NDST4: variants seen among roughly 807,000 people sequenced by gnomAD.
NDST4 encodes the protein N-heparan sulfate sulfotransferase 4.
A neutral mutation model predicts 100.8 loss-of-function variants in NDST4; 63 were observed. The ratio of observed to expected loss-of-function variants is 0.62; its 90% confidence interval spans 0.51 to 0.77. The LOEUF (loss-of-function observed/expected upper bound fraction) is 0.77. NDST4 is among the 30% of genes least tolerant of loss of function. NDST4 has a pLI of 0.00. For missense variants in NDST4, 943 were observed against 1,018.4 expected (o/e 0.93, Z 1.01); for synonymous variants, 377 against 361.8 (o/e 1.04, Z -0.48).
chr4:114,953,397 C>A (rs1174266995), intron 4 of NDST4, among the ~76,000 whole-genome samples: 1 of 151,948 alleles, frequency 6.6e-6, no homozygotes, highest in Admixed American at 6.6e-5. Flanking sequence ...ACAATGGCTG[C>A]AAGAGAAAGT....
chr4:115,003,066 T>C (rs1021929596), intron 2 of NDST4, among the ~76,000 whole-genome samples: 1 of 151,994 alleles, frequency 6.6e-6, no homozygotes, highest in Non-Finnish European at 1.5e-5. Context: ...CATCATACAC[T>C]GGGGCCTGAC....
chr4:114,856,425 T>A (rs976626391), intron 7 of NDST4, among the ~76,000 whole-genome samples: 2 of 152,134 alleles, frequency 1.3e-5, no homozygotes, highest in African/African-American at 4.8e-5. Context: ...AGACCAAATA[T>A]TTTCACAATT....
rs1201633159 is a variant in NDST4, at chr4:115,076,257, C to A, written c.780G>T (p.Leu260=). ...CTCTCTGAATTCCATCATGAAGCCCCAGATCCTGAATCACCGTTGCAAAGA... is the reference window on the plus strand; with the variant it reads ...CTCTCTGAATTCCATCATGAAGCCCAAGATCCTGAATCACCGTTGCAAAGA... ...KTLFATVIQD[L]GLHDGIQRVL... Residue 260 remains leucine (L), a synonymous_variant, in exon 2 of 14, where the codon CTG becomes CTT. Transcript: ENST00000264363. 3 of 1,613,992 alleles carry A rather than the reference C, an allele frequency of 1.9e-6. No homozygotes were observed. Among genetic ancestry groups the A allele is most frequent in the Non-Finnish European group, 2.5e-6 (3 of 1,179,930 alleles).
chr4:114,988,430 T>C (rs921337369), intron 2 of NDST4, among the ~76,000 whole-genome samples: 4 of 140,990 alleles, frequency 2.8e-5, no homozygotes, highest in South Asian at 2.5e-4. Flanking sequence ...GGCGCAATCT[T>C]GGCTCACTTC....
chr4:115,032,265 G>A (rs6819616), intron 2 of NDST4, among the ~76,000 whole-genome samples: 15,063 of 151,940 alleles, frequency 0.099, 2,279 homozygotes, highest in African/African-American at 0.33. Context: ...GAAACAATCC[G>A]AAAAACGGTA....
intron 1 of NDST4, among the ~76,000 whole-genome samples, chr4:115,109,227 T>G (rs548905498): frequency 9.5e-4 from 145 of 152,016 alleles, no homozygotes; most frequent in Non-Finnish European, 1.2e-3. Flanking sequence ...CTCCATTTAC[T>G]TTTTACTTGA....
At chr4:115,044,706 GA>G (rs149358526) in intron 2 of NDST4, among the ~76,000 whole-genome samples, 27,588 of 137,758 alleles carry the variant, frequency 0.2, 4,899 homozygotes, top group African/African-American at 0.48. Flanking sequence ...AAGGAAAAAG[GA>G]AAAAAAAAAA....
At chr4:114,873,357 A>C (rs1159651185) in intron 6 of NDST4, among the ~76,000 whole-genome samples, 1 of 151,802 alleles carries the variant, frequency 6.6e-6, no homozygotes, top group East Asian at 1.9e-4. Context: ...ATATTAGTTG[A>C]CAATGATTTT....
intron 1 of NDST4, among the ~76,000 whole-genome samples, chr4:115,109,365 G>A (rs1006025511): frequency 1.4e-4 from 22 of 151,910 alleles, no homozygotes; most frequent in African/African-American, 5.3e-4. Context: ...TCAATTGATG[G>A]TGGAATTTGC....
chr4:114,927,932 G>A (rs1055195865), intron 6 of NDST4, among the ~76,000 whole-genome samples: 2 of 152,110 alleles, frequency 1.3e-5, no homozygotes, highest in Admixed American at 6.5e-5. Flanking sequence ...GGGAAAGTAG[G>A]TAGAGAAAAT....
intron 4 of NDST4, among the ~76,000 whole-genome samples, chr4:114,950,812 A>G (rs910541964): frequency 6.6e-6 from 1 of 151,866 alleles, no homozygotes; most frequent in Non-Finnish European, 1.5e-5. Context: ...TCTTACCCTT[A>G]TAACAAACAA....
chr4:114,929,074 G>GTCCGTCCGTCCGTCCATCCA (rs1560816975), intron 6 of NDST4, among the ~76,000 whole-genome samples: 17 of 120,620 alleles, frequency 1.4e-4, no homozygotes, highest in South Asian at 5.9e-4. Flanking sequence ...CCGTCCGTCC[G>GTCCGTCCGTCCGTCCATCCA]TCCATCCATC....
At chr4:114,913,981 A>G (rs1253672213) in intron 6 of NDST4, among the ~76,000 whole-genome samples, 1 of 152,124 alleles carries the variant, frequency 6.6e-6, no homozygotes, top group Admixed American at 6.6e-5. Context: ...CTTTCAAACA[A>G]CAAAGTACTA....
chr4:114,841,341 G>A (rs1641507494), intron 10 of NDST4, among the ~76,000 whole-genome samples: 1 of 152,144 alleles, frequency 6.6e-6, no homozygotes, highest in Non-Finnish European at 1.5e-5. Context: ...CTGAGCTTTG[G>A]ATTTATGGTA....
At chr4:115,072,507 A>G (rs1395935069) in intron 2 of NDST4, among the ~76,000 whole-genome samples, 1 of 152,098 alleles carries the variant, frequency 6.6e-6, no homozygotes, top group Non-Finnish European at 1.5e-5. Context: ...CCAATGGAAT[A>G]AAATAGTGAA....
At chr4:115,020,577 CT>C (rs1231406777) in intron 2 of NDST4, among the ~76,000 whole-genome samples, 1 of 152,024 alleles carries the variant, frequency 6.6e-6, no homozygotes, top group Non-Finnish European at 1.5e-5. Flanking sequence ...AACTAAAGAA[CT>C]TTTGCATGGC....
intron 6 of NDST4, among the ~76,000 whole-genome samples, chr4:114,881,088 C>T (rs567072972): frequency 1.3e-5 from 2 of 152,130 alleles, no homozygotes; most frequent in African/African-American, 2.4e-5. Context: ...GGACTTTAAT[C>T]CTAAGAGCCA....
At chr4:115,052,311 A>T (rs981170186) in intron 2 of NDST4, among the ~76,000 whole-genome samples, 1 of 152,160 alleles carries the variant, frequency 6.6e-6, no homozygotes, top group Admixed American at 6.6e-5. Context: ...TTAACTCCTA[A>T]AACTTTTTTA....
chr4:114,941,460 A>G (rs1047680525), intron 4 of NDST4, among the ~76,000 whole-genome samples: 7 of 152,286 alleles, frequency 4.6e-5, no homozygotes, highest in African/African-American at 1.7e-4. Flanking sequence ...TTATAAAACA[A>G]AGTCTACATT....
Sources: allele counts gnomAD v4.1 joint callset (sites outside exome capture counted in the v4.1 genomes callset), GRCh38; gene constraint gnomAD v4.1.1; transcripts MANE v1.5; gene names NCBI Gene and HGNC (gene_info 2026-07-23, HGNC 2026-07-21).